The following FOXN3 variants were observed in gnomAD, a reference collection of about 807,000 sequenced individuals.
The protein encoded by FOXN3 is forkhead box N3.
In FOXN3, 7 loss-of-function variants were observed where a neutral mutation model predicts 38.4. The ratio of observed to expected loss-of-function variants is 0.18; its 90% CI spans 0.10 to 0.34. The LOEUF (loss-of-function observed/expected upper bound fraction) is 0.34, where lower values mean the gene tolerates loss of function less well. Among genes scored for constraint, FOXN3 ranks in the 10% least tolerant of loss-of-function variants. FOXN3 has a pLI of 1.00. For synonymous variants in FOXN3, 230 were observed against 242.2 expected (o/e 0.95, Z 0.47); for missense variants, 456 against 613.4 (o/e 0.74, Z 2.71).
At chr14:89,415,883 C>CACACA (rs60129607) in intron 1 of FOXN3, among the ~76,000 whole-genome samples, 285 of 148,258 alleles carry the variant, frequency 1.9e-3, no homozygotes, top group Middle Eastern at 7.0e-3. Flanking sequence ...CACACACACA[C>CACACA]CCTCTTTTGT....
In FOXN3 at chr14:89,531,956, G is replaced by A. The variant is rs962554225; in HGVS notation, c.-15+87072C>T. 3.9e-5 allele frequency among the ~76,000 whole-genome samples: 6 copies of A among 152,182 alleles called. No individual in the cohort carries two copies. The South Asian group carries it at 8.3e-4, about 21-fold the overall frequency. Reference sequence around the variant, plus strand: ...CCTGAGTAGCTACGACTACAGGCATGAGCCACCACACCTGGCCTTAAACTC... The same window carrying A: ...CCTGAGTAGCTACGACTACAGGCATAAGCCACCACACCTGGCCTTAAACTC... On this transcript the variant is annotated intron_variant, in intron 1 of 6. Transcript: ENST00000345097.
At chr14:89,527,424 A>G (rs942660574) in intron 1 of FOXN3, among the ~76,000 whole-genome samples, 1 of 152,230 alleles carries the variant, frequency 6.6e-6, no homozygotes, top group African/African-American at 2.4e-5. Context: ...AAGACATTTA[A>G]GAGAATGAAA....
chr14:89,371,993 G>A (rs957412760), intron 2 of FOXN3, among the ~76,000 whole-genome samples: 1 of 151,780 alleles, frequency 6.6e-6, no homozygotes, highest in African/African-American at 2.4e-5. Flanking sequence ...CTAGTTTCTC[G>A]CATCCCTGCC....
chr14:89,307,408 C>A (rs1887409723), intron 3 of FOXN3, among the ~76,000 whole-genome samples: 1 of 152,120 alleles, frequency 6.6e-6, no homozygotes, highest in South Asian at 2.1e-4. Context: ...TTATTAAAAA[C>A]AAACATGGGT....
At chr14:89,540,857 T>G (rs1894779402) in intron 1 of FOXN3, among the ~76,000 whole-genome samples, 1 of 152,172 alleles carries the variant, frequency 6.6e-6, no homozygotes, top group Non-Finnish European at 1.5e-5. Context: ...TGTTCCTTGA[T>G]ATAAGTGACT....
At position 89,387,458 on chromosome 14, in the gene FOXN3, C is replaced by T. The variant is rs570563724; in HGVS notation, c.543+24476G>A. ...TATCCTCTCATATCAGAGATGAGAA[C>T]GTAAAGCTCATTAACAGTAATTACC... On this transcript the variant is annotated intron_variant, in intron 2 of 5. Transcript: ENST00000557258. Among the ~76,000 whole-genome samples, 29 of 152,252 alleles carry T rather than the reference C, an allele frequency of 1.9e-4. No homozygotes were observed. The South Asian group carries it at 4.6e-3, about 24-fold the overall frequency.
At chr14:89,233,575 T>C (rs1289617686) in intron 4 of FOXN3, among the ~76,000 whole-genome samples, 1 of 152,236 alleles carries the variant, frequency 6.6e-6, no homozygotes, top group Non-Finnish European at 1.5e-5. Context: ...TCCCTTTTTT[T>C]CTTTTTCTTT....
chr14:89,171,583 T>G (rs532401632), intron 5 of FOXN3, among the ~76,000 whole-genome samples: 1 of 152,268 alleles, frequency 6.6e-6, no homozygotes, highest in African/African-American at 2.4e-5. Flanking sequence ...AAATGCAAGT[T>G]TTGTTCAAAA....
rs573403834 is a variant in FOXN3, at chr14:89,414,047, G to A, written c.-14-1557C>T. 1.1e-4 allele frequency among the ~76,000 whole-genome samples: 16 copies of A among 152,184 alleles called. 1 individual carries two copies. The East Asian group carries it at 2.3e-3, about 22-fold the overall frequency. ...GCAAAGACATAGGCCAGGCATGGTAGCTCATGCTTATAATCCCATCACTTT... is the reference window on the plus strand; with the variant it reads ...GCAAAGACATAGGCCAGGCATGGTAACTCATGCTTATAATCCCATCACTTT... On this transcript the variant is annotated intron_variant, in intron 1 of 5. Transcript: ENST00000557258.
intron 1 of FOXN3, among the ~76,000 whole-genome samples, chr14:89,445,404 G>C (rs1487715358): frequency 6.6e-6 from 1 of 152,224 alleles, no homozygotes; most frequent in Non-Finnish European, 1.5e-5. Flanking sequence ...ATTTGGGTAA[G>C]CAAGTTAGGC....
intron 4 of FOXN3, among the ~76,000 whole-genome samples, chr14:89,217,162 T>C (rs1415331968): frequency 6.6e-6 from 1 of 152,070 alleles, no homozygotes; most frequent in Admixed American, 6.5e-5. Context: ...TGAGACAGGG[T>C]CTCACTCTGT....
chr14:89,288,631 G>A (rs1886713113), intron 3 of FOXN3, among the ~76,000 whole-genome samples: 1 of 110,856 alleles, frequency 9.0e-6, no homozygotes, highest in Non-Finnish European at 1.8e-5. Flanking sequence ...TTTTAAAAAT[G>A]GAAACGACAT....
intron 5 of FOXN3, among the ~76,000 whole-genome samples, chr14:89,165,923 T>TA: frequency 6.6e-6 from 1 of 152,194 alleles, no homozygotes; most frequent in East Asian, 1.9e-4. Context: ...ATGTTTCTTT[T>TA]AAAAAATAAC....
intron 1 of FOXN3, among the ~76,000 whole-genome samples, chr14:89,468,263 G>A (rs1278162307): frequency 6.6e-6 from 1 of 151,950 alleles, no homozygotes; most frequent in Non-Finnish European, 1.5e-5. Flanking sequence ...AGACCAGCCT[G>A]GCCAACGTGG....
chr14:89,275,955 C>T (rs1164011377), intron 4 of FOXN3, among the ~76,000 whole-genome samples: 5 of 152,188 alleles, frequency 3.3e-5, no homozygotes, highest in Non-Finnish European at 5.9e-5. Flanking sequence ...CCTTCCATTA[C>T]ATTAGCTCGT....
intron 1 of FOXN3, among the ~76,000 whole-genome samples, chr14:89,605,886 A>C (rs1050873304): frequency 6.6e-6 from 1 of 152,282 alleles, no homozygotes; most frequent in African/African-American, 2.4e-5. Flanking sequence ...AGACTAACGC[A>C]GGAGGATTCC....
At chr14:89,185,206 G>A (rs1197382799) in intron 4 of FOXN3, among the ~76,000 whole-genome samples, 1 of 152,188 alleles carries the variant, frequency 6.6e-6, no homozygotes, top group Admixed American at 6.5e-5. Flanking sequence ...AGAGATGGCG[G>A]ATGTGCTCGT....
intron 1 of FOXN3, among the ~76,000 whole-genome samples, chr14:89,424,249 C>T (rs890676560): frequency 1.3e-5 from 2 of 152,186 alleles, no homozygotes; most frequent in Admixed American, 1.3e-4. Flanking sequence ...ATCATTTTCA[C>T]ATTCTCAGAG....
At chr14:89,335,702 A>G (rs1432895698) in intron 3 of FOXN3, among the ~76,000 whole-genome samples, 1 of 152,236 alleles carries the variant, frequency 6.6e-6, no homozygotes, top group Non-Finnish European at 1.5e-5. Flanking sequence ...TTATTTCACA[A>G]ATATTTACTG....
Sources: allele counts gnomAD v4.1 joint callset (sites outside exome capture counted in the v4.1 genomes callset), GRCh38; gene constraint gnomAD v4.1.1; transcripts MANE v1.5; gene names NCBI Gene and HGNC (gene_info 2026-07-23, HGNC 2026-07-21).